Variants in ADGRA3 observed in about 807,000 individuals in gnomAD.
The protein encoded by ADGRA3 is G-protein coupled receptor 125.
ADGRA3 carries 56 observed loss-of-function variants against 119.8 expected under a neutral mutation model. The observed-to-expected ratio is 0.47, with a 90% CI of 0.38 to 0.58. ADGRA3 has a LOEUF of 0.58. Ranked by LOEUF, ADGRA3 falls within the 20% of genes least tolerant of loss-of-function variation. ADGRA3 has a pLI of 0.00. For missense variants in ADGRA3, 1,516 were observed against 1,649.0 expected (o/e 0.92, Z 1.40); for synonymous variants, 607 against 623.8 (o/e 0.97, Z 0.40).
At chr4:22,453,352 C>A (rs943180758) in intron 4 of ADGRA3, among the ~76,000 whole-genome samples, 1 of 152,126 alleles carries the variant, frequency 6.6e-6, no homozygotes, top group Non-Finnish European at 1.5e-5. Flanking sequence ...TAAAGCTGCA[C>A]ACCAAATCAG....
chr4:22,447,435 C>T lies in ADGRA3; in HGVS notation c.545+5G>A, dbSNP rs1235390202. On this transcript the variant is annotated splice_donor_5th_base_variant and intron_variant, in intron 5 of 18. Transcript: ENST00000334304. ...AAAAAAAGAGAGAAAAAAATTCTTA[C>T]TTACAAAGACCGTAATGACGCAAGA... is the stretch of plus-strand genomic sequence containing the variant. 1 of 1,472,972 alleles carries T rather than the reference C, an allele frequency of 6.8e-7. No homozygotes were observed. Among genetic ancestry groups the T allele is most frequent in the East Asian group, 2.4e-5 (1 of 41,352 alleles). The allele number at this position is 1,472,972 out of a possible 1,614,324, so 91.2% of individuals were successfully genotyped here. A position where few individuals can be genotyped will look rare whatever the true frequency, so the allele number is the denominator to read the frequency against.
intron 16 of ADGRA3, among the ~76,000 whole-genome samples, chr4:22,397,780 A>G (rs1714427388): frequency 6.6e-6 from 1 of 152,180 alleles, no homozygotes; most frequent in Non-Finnish European, 1.5e-5. Flanking sequence ...CACGAAAGAC[A>G]TGACTTTGCT....
chr4:22,505,872 A>G (rs956728650), intron 1 of ADGRA3, among the ~76,000 whole-genome samples: 2 of 152,172 alleles, frequency 1.3e-5, no homozygotes, highest in African/African-American at 2.4e-5. Context: ...GACCAAAAGA[A>G]AAGTCAAGCC....
intron 1 of ADGRA3, among the ~76,000 whole-genome samples, chr4:22,474,083 TAA>T (rs772393290): frequency 2.0e-5 from 3 of 152,146 alleles, no homozygotes; most frequent in Admixed American, 1.3e-4. Flanking sequence ...ATCAAAACTT[TAA>T]GAGAGAAAAG....
intron 10 of ADGRA3, among the ~76,000 whole-genome samples, chr4:22,428,658 T>C (rs1716038933): frequency 6.6e-6 from 1 of 152,160 alleles, no homozygotes; most frequent in South Asian, 2.1e-4. Flanking sequence ...CCAAATTTAG[T>C]ACACTACTGA....
At chr4:22,407,450 A>C (rs1467259674) in intron 14 of ADGRA3, among the ~76,000 whole-genome samples, 2 of 152,148 alleles carry the variant, frequency 1.3e-5, no homozygotes, top group Non-Finnish European at 2.9e-5. Flanking sequence ...TAAACACACT[A>C]TATAAAAATG....
At chr4:22,512,603 G>C (rs1719486079) in intron 1 of ADGRA3, among the ~76,000 whole-genome samples, 1 of 152,136 alleles carries the variant, frequency 6.6e-6, no homozygotes, top group Admixed American at 6.5e-5. Flanking sequence ...AGAGAAAGGA[G>C]AGGACTTGAG....
At chr4:22,433,529 T>G (rs1237636356) in intron 10 of ADGRA3, among the ~76,000 whole-genome samples, 1 of 152,170 alleles carries the variant, frequency 6.6e-6, no homozygotes, top group African/African-American at 2.4e-5. Context: ...TTCAGTACAA[T>G]GCTTCCACCT....
At chr4:22,442,560 A>T in intron 7 of ADGRA3, 90 bp downstream of exon 7, 1 of 802,652 alleles carries the variant, frequency 1.2e-6, no homozygotes, top group Non-Finnish European at 1.9e-6. Context: ...ATGAAATATT[A>T]ATTCAAATTC....
At chr4:22,512,134 C>A (rs940426372) in intron 1 of ADGRA3, among the ~76,000 whole-genome samples, 2 of 151,928 alleles carry the variant, frequency 1.3e-5, no homozygotes, top group South Asian at 2.1e-4. Context: ...CTCCCGGTCT[C>A]AAGTGATCTG....
At chr4:22,505,179 G>A (rs1719193904) in intron 1 of ADGRA3, among the ~76,000 whole-genome samples, 1 of 152,106 alleles carries the variant, frequency 6.6e-6, no homozygotes, top group South Asian at 2.1e-4. Flanking sequence ...AGATGACTGT[G>A]TGAGTCACTT....
intron 1 of ADGRA3, among the ~76,000 whole-genome samples, chr4:22,483,657 T>C (rs2109137420): frequency 6.6e-6 from 1 of 152,312 alleles, no homozygotes; most frequent in Non-Finnish European, 1.5e-5. Flanking sequence ...GTTAAGCATT[T>C]ATCAGTGGTT....
intron 1 of ADGRA3, among the ~76,000 whole-genome samples, chr4:22,483,385 G>C (rs989632711): frequency 1.3e-5 from 2 of 152,140 alleles, no homozygotes; most frequent in Non-Finnish European, 2.9e-5. Context: ...AGGACATAAT[G>C]ACATAGCACC....
At chr4:22,430,826 G>C (rs1275273905) in intron 10 of ADGRA3, among the ~76,000 whole-genome samples, 1 of 43,824 alleles carries the variant, frequency 2.3e-5, no homozygotes, top group African/African-American at 5.7e-5. Flanking sequence ...TGGTTTCATA[G>C]GCTGGGCCCA....
rs1391353968 is a variant in ADGRA3 at position 22,492,302 on chromosome 4, C to T, written c.258-18459G>A. ...ACAGATCTTAAACAACAGAAACCTA[C>T]TGCCTAGATAAATCCAGGCCTGGTT... On this transcript the variant is annotated intron_variant, in intron 1 of 18. Coordinates refer to ENST00000334304, the MANE Select transcript of ADGRA3 (RefSeq NM_145290.4). Among the ~76,000 whole-genome samples the T allele has an allele frequency of 2.6e-5, 4 of 152,214 alleles. No individual in the cohort carries two copies. In the South Asian group the frequency reaches 6.2e-4, roughly 24 times the overall value.
At chr4:22,389,292 C>A in intron 17 of ADGRA3, 109 bp from the exon 18 acceptor site, 1 of 737,436 alleles carries the variant, frequency 1.4e-6, no homozygotes, top group East Asian at 2.5e-5. Context: ...TAATTATTAT[C>A]TTTATTCCAA....
intron 1 of ADGRA3, among the ~76,000 whole-genome samples, chr4:22,494,737 T>C (rs550245040): frequency 1.3e-5 from 2 of 152,016 alleles, no homozygotes; most frequent in Non-Finnish European, 2.9e-5. Context: ...TCTAATTAAA[T>C]CTTCTGTGTG....
chr4:22,447,419 G>T, intron 5 of ADGRA3, 21 bp downstream of exon 5: 1 of 1,368,906 alleles, frequency 7.3e-7, no homozygotes, highest in Non-Finnish European at 9.9e-7. Flanking sequence ...AAAAAAAAGA[G>T]AGAAAAAAAT....
intron 1 of ADGRA3, among the ~76,000 whole-genome samples, chr4:22,502,295 T>C (rs1375876132): frequency 6.6e-6 from 1 of 152,144 alleles, no homozygotes; most frequent in Non-Finnish European, 1.5e-5. Context: ...GGAAGAAGTA[T>C]GTAGTGATGG....
Sources: gnomAD v4.1 joint callset for allele counts (sites outside exome capture counted in the v4.1 genomes callset) on GRCh38, gnomAD v4.1.1 for gene constraint, MANE v1.5 for transcripts, NCBI Gene and HGNC (gene_info 2026-07-23, HGNC 2026-07-21) for gene names.